COL21A1: variants seen among roughly 807,000 people sequenced by gnomAD.
The protein encoded by COL21A1 is collagen alpha-1(XXI) chain.
In COL21A1, 149 loss-of-function variants were observed where a neutral mutation model predicts 137.9. The observed-to-expected ratio is 1.08, with a 90% CI of 0.95 to 1.24. The LOEUF is 1.24. Among genes scored for constraint, COL21A1 ranks in the 50% most tolerant of loss-of-function variants. The pLI, the probability that COL21A1 is intolerant of heterozygous loss-of-function variation, is 0.00. For synonymous variants in COL21A1, 456 were observed against 391.5 expected (o/e 1.16, Z -1.95); for missense variants, 1,167 against 1,158.4 (o/e 1.01, Z -0.11).
chr6:56,276,668 C>A, intron 1 of COL21A1: 1 of 1,442,706 alleles, frequency 6.9e-7, no homozygotes, highest in Non-Finnish European at 9.7e-7. Context: ...TTCAAAAGTC[C>A]TGCATGATCC....
At chr6:56,161,249 CT>C (rs2152264667) in intron 9 of COL21A1, among the ~76,000 whole-genome samples, 1 of 152,288 alleles carries the variant, frequency 6.6e-6, no homozygotes, top group Non-Finnish European at 1.5e-5. Context: ...TTGTCCTAAC[CT>C]AAAAAAGACA....
intron 1 of COL21A1, among the ~76,000 whole-genome samples, chr6:56,233,525 C>T (rs1429576414): frequency 1.5e-4 from 23 of 151,322 alleles, no homozygotes; most frequent in Admixed American, 1.1e-3. Context: ...ATGGAAATAG[C>T]TAGATGGAAA....
At chr6:56,195,236 C>T (rs1486074633) in intron 1 of COL21A1, among the ~76,000 whole-genome samples, 2 of 152,126 alleles carry the variant, frequency 1.3e-5, no homozygotes, top group African/African-American at 4.8e-5. Flanking sequence ...CGTACTAAAA[C>T]AACTTCTAGC....
chr6:56,276,673 T>C, intron 1 of COL21A1: 2 of 1,443,150 alleles, frequency 1.4e-6, no homozygotes, highest in Non-Finnish European at 1.9e-6. Flanking sequence ...AAGTCCTGCA[T>C]GATCCTTGTC....
chr6:56,217,925 T>C (rs1378990134), intron 1 of COL21A1, among the ~76,000 whole-genome samples: 1 of 152,000 alleles, frequency 6.6e-6, no homozygotes, highest in Non-Finnish European at 1.5e-5. Flanking sequence ...GAGCTGGAGG[T>C]TGCATATGTA....
intron 17 of COL21A1, among the ~76,000 whole-genome samples, chr6:56,085,867 A>G (rs939023213): frequency 1.0e-4 from 15 of 150,576 alleles, no homozygotes; most frequent in Non-Finnish European, 1.9e-4. Context: ...TTCAAGAGAT[A>G]TACAGATCAT....
chr6:56,269,757 A>T, intron 1 of COL21A1, among the ~76,000 whole-genome samples: 1 of 152,110 alleles, frequency 6.6e-6, no homozygotes, highest in Non-Finnish European at 1.5e-5. Context: ...AAAAGCCAGA[A>T]GAGGTTGAAG....
At position 56,086,949 on chromosome 6, in the gene COL21A1, G is replaced by A. The variant is rs767037250; in HGVS notation, c.1813-9376C>T. Among the ~76,000 whole-genome samples the A allele has an allele frequency of 3.9e-5, 6 of 152,278 alleles. No individual in the cohort carries two copies. The South Asian group carries it at 6.2e-4, about 16-fold the overall frequency. On this transcript the variant is annotated intron_variant, in intron 17 of 29. Transcript: ENST00000244728. ...GTCTTCTTCCCATAGTCTGGCACTGGTTTGGAGCCACTCATCACCATCAAG... is the reference window on the plus strand; with the variant it reads ...GTCTTCTTCCCATAGTCTGGCACTGATTTGGAGCCACTCATCACCATCAAG...
At chr6:56,241,404 G>A (rs1359721392) in intron 1 of COL21A1, among the ~76,000 whole-genome samples, 1 of 152,174 alleles carries the variant, frequency 6.6e-6, no homozygotes, top group South Asian at 2.1e-4. Context: ...TAAGCCACCT[G>A]CTGTATGGAA....
intron 1 of COL21A1, among the ~76,000 whole-genome samples, chr6:56,206,697 A>AATAAATAAATAT (rs1344636182): frequency 9.3e-5 from 3 of 32,332 alleles, no homozygotes; most frequent in East Asian, 1.9e-3. Context: ...TAAATAAATA[A>AATAAATAAATAT]ATATATATAT....
chr6:56,316,782 C>T (rs1040422735), intron 1 of COL21A1, among the ~76,000 whole-genome samples: 2 of 151,850 alleles, frequency 1.3e-5, no homozygotes, highest in African/African-American at 2.4e-5. Context: ...CTGCACAAGG[C>T]CAATTATTCT....
intron 17 of COL21A1, among the ~76,000 whole-genome samples, chr6:56,086,988 A>T (rs557705204): frequency 6.6e-6 from 1 of 152,130 alleles, no homozygotes; most frequent in Non-Finnish European, 1.5e-5. Context: ...TCTTCTGTTA[A>T]TTCCTCTGAT....
intron 1 of COL21A1, among the ~76,000 whole-genome samples, chr6:56,266,697 T>C (rs555671581): frequency 1.3e-5 from 2 of 152,344 alleles, no homozygotes; most frequent in East Asian, 3.9e-4. Context: ...GACAGACAGA[T>C]AAACTCTCCA....
chr6:56,360,586 C>T (rs1399323490), intron 1 of COL21A1, among the ~76,000 whole-genome samples: 1 of 152,138 alleles, frequency 6.6e-6, no homozygotes, highest in Non-Finnish European at 1.5e-5. Flanking sequence ...TTTAAAAAGG[C>T]ATTGAAAAGA....
In COL21A1 at chr6:56,160,973, C is replaced by T. The variant is rs566436842; in HGVS notation, c.1371+3450G>A. Reference sequence around the variant, plus strand: ...TCTGACCTAAGACCTATTCCATTCTCGAAAATCAACCTCTTTCCTCCCTCA... The same window carrying T: ...TCTGACCTAAGACCTATTCCATTCTTGAAAATCAACCTCTTTCCTCCCTCA... On this transcript the variant is annotated intron_variant, in intron 9 of 29. Transcript: ENST00000244728. Among the ~76,000 whole-genome samples the T allele has an allele frequency of 2.8e-4, 42 of 152,254 alleles. 1 individual carries two copies. Among genetic ancestry groups the T allele is most frequent in the Middle Eastern group, 3.4e-3 (1 of 294 alleles).
At chr6:56,248,435 A>G (rs926094599), upstream of COL21A1, among the ~76,000 whole-genome samples, 3 of 152,306 alleles carry the variant, frequency 2.0e-5, no homozygotes, top group South Asian at 2.1e-4. Context: ...TCCTTCCTGT[A>G]CATCCCATCC....
At chr6:56,334,470 C>T (rs1765295963) in intron 1 of COL21A1, among the ~76,000 whole-genome samples, 1 of 152,018 alleles carries the variant, frequency 6.6e-6, no homozygotes, top group Non-Finnish European at 1.5e-5. Flanking sequence ...TTACTTCTGG[C>T]CCTGGTTTGG....
At chr6:56,059,105 T>C in intron 29 of COL21A1, 60 bp downstream of exon 29, 1 of 1,263,746 alleles carries the variant, frequency 7.9e-7, no homozygotes, top group African/African-American at 1.5e-5. Context: ...CATAGATCTA[T>C]GATGACTTTT....
chr6:56,293,016 G>A (rs1268562389), intron 1 of COL21A1, among the ~76,000 whole-genome samples: 4 of 152,052 alleles, frequency 2.6e-5, no homozygotes, highest in African/African-American at 9.7e-5. Flanking sequence ...CATTAGACTA[G>A]CTCATATCAA....
Sources: allele counts gnomAD v4.1 joint callset (sites outside exome capture counted in the v4.1 genomes callset), GRCh38; gene constraint gnomAD v4.1.1; transcripts MANE v1.5; gene names NCBI Gene and HGNC (gene_info 2026-07-23, HGNC 2026-07-21).